Variants in TRIM33 observed in about 807,000 individuals in gnomAD.
The protein encoded by TRIM33 is E3 ubiquitin-protein ligase TRIM33.
Under a neutral mutation model 125.4 loss-of-function variants are expected in TRIM33, and 20 were observed. That is an observed-to-expected ratio of 0.16 (90% CI 0.11 to 0.23). TRIM33 has a LOEUF of 0.23. Among genes scored for constraint, TRIM33 ranks in the 10% least tolerant of loss-of-function variants. The pLI, the probability that TRIM33 is intolerant of heterozygous loss-of-function variation, is 1.00. For synonymous variants in TRIM33, 564 were observed against 513.9 expected (o/e 1.10, Z -1.32); for missense variants, 920 against 1,411.4 (o/e 0.65, Z 5.58).
chr1:114,456,087 T>C (rs1239196525), intron 4 of TRIM33, among the ~76,000 whole-genome samples: 5 of 152,218 alleles, frequency 3.3e-5, no homozygotes, highest in Admixed American at 1.3e-4. Context: ...AAAACTAGAA[T>C]GTCTCAGCTG....
chr1:114,450,237 C>T (rs1649228659), intron 4 of TRIM33, among the ~76,000 whole-genome samples: 1 of 152,124 alleles, frequency 6.6e-6, no homozygotes, highest in Admixed American at 6.6e-5. Context: ...CCAGCCTGGG[C>T]AACAAGAGCA....
intron 6 of TRIM33, among the ~76,000 whole-genome samples, chr1:114,428,813 T>A (rs1223162766): frequency 6.6e-6 from 1 of 152,164 alleles, no homozygotes; most frequent in Non-Finnish European, 1.5e-5. Context: ...GTTAGTAGTA[T>A]GTGGCGTATT....
At chr1:114,441,462 G>C (rs1321473809) in intron 4 of TRIM33, among the ~76,000 whole-genome samples, 1 of 152,202 alleles carries the variant, frequency 6.6e-6, no homozygotes, top group Non-Finnish European at 1.5e-5. Context: ...TGAATAGGGT[G>C]ATGTGATAGA....
At chr1:114,464,542 G>A (rs1650173705) in intron 1 of TRIM33, among the ~76,000 whole-genome samples, 154 bp from the exon 2 acceptor site, 1 of 152,138 alleles carries the variant, frequency 6.6e-6, no homozygotes, top group Non-Finnish European at 1.5e-5. Flanking sequence ...TTCCATTTGG[G>A]TAAAAGTGAT....
intron 1 of TRIM33, among the ~76,000 whole-genome samples, chr1:114,500,121 C>T (rs959893537): frequency 6.6e-6 from 1 of 152,114 alleles, no homozygotes; most frequent in African/African-American, 2.4e-5. Flanking sequence ...GAGCAGAGAT[C>T]GTGCCATTGC....
chr1:114,472,830 C>T lies in TRIM33; in HGVS notation c.527-8442G>A, dbSNP rs949365155. On this transcript the variant is annotated intron_variant, in intron 1 of 19. Coordinates refer to ENST00000358465, the MANE Select transcript of TRIM33 (RefSeq NM_015906.4). Reference sequence around the variant, plus strand: ...AAAGATATACACTGTTACAATTAAACTGTTAAAAGTCAAAGACAAGAAAAT... The same window carrying T: ...AAAGATATACACTGTTACAATTAAATTGTTAAAAGTCAAAGACAAGAAAAT... Among the ~76,000 whole-genome samples, 39 of 151,940 alleles carry T rather than the reference C, an allele frequency of 2.6e-4. 1 individual carries two copies. Among genetic ancestry groups the T allele is most frequent in the African/African-American group, 8.9e-4 (37 of 41,420 alleles).
intron 4 of TRIM33, among the ~76,000 whole-genome samples, chr1:114,446,027 T>A (rs922436203): frequency 2.7e-4 from 41 of 152,130 alleles, no homozygotes; most frequent in African/African-American, 9.9e-4. Context: ...CCAGCTAATT[T>A]TTTGTATTTT....
At chr1:114,445,188 A>T in intron 4 of TRIM33, among the ~76,000 whole-genome samples, 1 of 152,166 alleles carries the variant, frequency 6.6e-6, no homozygotes, top group Non-Finnish European at 1.5e-5. Flanking sequence ...CCTTGTGACA[A>T]AATCAAATAG....
intron 1 of TRIM33, among the ~76,000 whole-genome samples, chr1:114,478,458 C>T (rs555647248): frequency 1.3e-5 from 2 of 152,180 alleles, no homozygotes; most frequent in Admixed American, 6.5e-5. Context: ...GAGAGAGTCA[C>T]GGAAGGGCTA....
chr1:114,470,875 G>A (rs1382181784), intron 1 of TRIM33, among the ~76,000 whole-genome samples: 2 of 152,176 alleles, frequency 1.3e-5, no homozygotes, highest in East Asian at 1.9e-4. Context: ...AACACTGCTC[G>A]CTGAAGCTTC....
At chr1:114,430,742 A>G in intron 6 of TRIM33, 56 bp downstream of exon 6, 1 of 932,752 alleles carries the variant, frequency 1.1e-6, no homozygotes, top group Non-Finnish European at 1.8e-6. Context: ...TAAACATTAA[A>G]AACAGCTAAA....
rs554003407 is a variant in TRIM33 at position 114,425,497 on chromosome 1, T to G, written c.1647A>C (p.Thr549=). The change falls in exon 9 of 20, where the codon ACA becomes ACC. Residue 549 remains threonine, a synonymous_variant. Coordinates refer to ENST00000358465, the MANE Select transcript of TRIM33 (RefSeq NM_015906.4). Reference sequence around the variant, plus strand: ...CTGCTTGTCTAGGATGCTGTTGTGTTGTTGTTGTTGTAGTTGGTACAGGTG... The same window carrying G: ...CTGCTTGTCTAGGATGCTGTTGTGTGGTTGTTGTTGTAGTTGGTACAGGTG... ...PPAPVPTTTT[T]TQQHPRQAAP... 1.9e-6 allele frequency: 3 copies of G among 1,614,148 alleles called. No homozygotes were observed. In the African/African-American group the frequency reaches 4.0e-5, roughly 22 times the overall value.
At chr1:114,489,582 A>G (rs898164568) in intron 1 of TRIM33, among the ~76,000 whole-genome samples, 18 of 151,422 alleles carry the variant, frequency 1.2e-4, no homozygotes, top group African/African-American at 4.1e-4. Flanking sequence ...TGTCTCTACA[A>G]AAAAAAATAA....
At chr1:114,455,123 C>T (rs1376820714) in intron 4 of TRIM33, among the ~76,000 whole-genome samples, 1 of 151,980 alleles carries the variant, frequency 6.6e-6, no homozygotes, top group African/African-American at 2.4e-5. Flanking sequence ...ACTGTACAAC[C>T]AGAGAAGGCT....
At chr1:114,488,535 G>A (rs939485697) in intron 1 of TRIM33, among the ~76,000 whole-genome samples, 3 of 152,080 alleles carry the variant, frequency 2.0e-5, no homozygotes, top group Admixed American at 1.3e-4. Flanking sequence ...AGGCTGAGGC[G>A]GGAGGACCGC....
intron 1 of TRIM33, among the ~76,000 whole-genome samples, chr1:114,483,978 G>A (rs1651517046): frequency 6.6e-6 from 1 of 152,200 alleles, no homozygotes; most frequent in African/African-American, 2.4e-5. Flanking sequence ...CAGTTTGTAA[G>A]TGGAGGTTTG....
At chr1:114,459,013 A>G (rs1475260674) in intron 4 of TRIM33, among the ~76,000 whole-genome samples, 1 of 152,236 alleles carries the variant, frequency 6.6e-6, no homozygotes. Context: ...AAGCATGAAC[A>G]AAAGAGAAGA....
chr1:114,466,240 T>C (rs1352422984), intron 1 of TRIM33, among the ~76,000 whole-genome samples: 1 of 152,190 alleles, frequency 6.6e-6, no homozygotes, highest in Non-Finnish European at 1.5e-5. Flanking sequence ...TAAGTAACTG[T>C]AGAGACAAAG....
chr1:114,471,859 G>A (rs1172638272), intron 1 of TRIM33, among the ~76,000 whole-genome samples: 2 of 152,126 alleles, frequency 1.3e-5, no homozygotes, highest in South Asian at 2.1e-4. Context: ...AAAATTGAAT[G>A]GTTGTCAAGC....
Sources: gnomAD v4.1 joint callset for allele counts (sites outside exome capture counted in the v4.1 genomes callset) on GRCh38, gnomAD v4.1.1 for gene constraint, MANE v1.5 for transcripts, NCBI Gene and HGNC (gene_info 2026-07-23, HGNC 2026-07-21) for gene names.